NIPA1: variants seen among roughly 807,000 people sequenced by gnomAD.
NIPA1 encodes the protein NIPA magnesium transporter 1.
A neutral mutation model predicts 23.9 loss-of-function variants in NIPA1; 13 were observed. The observed-to-expected ratio is 0.54, with a 90% CI of 0.35 to 0.87. The LOEUF is 0.87. Ranked by LOEUF, NIPA1 falls within the 40% of genes least tolerant of loss-of-function variation. The pLI is 0.01. For missense variants in NIPA1, 362 were observed against 429.7 expected (o/e 0.84, Z 1.39); for synonymous variants, 234 against 202.9 (o/e 1.15, Z -1.30).
At chr15:22,800,717 A>G (rs1895057695) in intron 1 of NIPA1, among the ~76,000 whole-genome samples, 1 of 152,090 alleles carries the variant, frequency 6.6e-6, no homozygotes, top group South Asian at 2.1e-4. Context: ...TCACAAGGTC[A>G]GGAGATTGAG....
rs1211698127 is a variant in NIPA1 at position 22,829,486 on chromosome 15, C to T, written c.*5247C>T. 1.3e-5 allele frequency: 2 copies of T among 152,296 alleles called. No individual in the cohort carries two copies. The highest frequency in any genetic ancestry group is 4.8e-5 in the African/African-American group (2 of 41,390). The allele number at this position is 152,296 out of a possible 1,614,324, so 9.4% of individuals were successfully genotyped here. On this transcript the variant is annotated 3_prime_UTR_variant, in exon 5 of 5. Transcript: ENST00000337435. The stretch of plus-strand genomic sequence containing the variant: ...GTTTTTCAGTGGCTTGAGCGTTTTG[C>T]CTTTTCAAAGGATAACTATTATTTT...
Position 22,824,966 on chromosome 15 carries a change from T to C in NIPA1, c.*727T>C, listed in dbSNP as rs1895619756. The C allele has an allele frequency of 6.6e-6, 1 of 152,652 alleles. No individual in the cohort carries two copies. Among genetic ancestry groups the C allele is most frequent in the African/African-American group, 2.4e-5 (1 of 41,440 alleles). The allele number at this position is 152,652 out of a possible 1,614,324, so 9.5% of individuals were successfully genotyped here. ...TGTATATGTTCTTAGATTAGAATAA[T>C]GCAACTTCGAGTATGCTTTAATATT... is the stretch of plus-strand genomic sequence containing the variant. On this transcript the variant is annotated 3_prime_UTR_variant, in exon 5 of 5. Coordinates refer to ENST00000337435, the MANE Select transcript of NIPA1 (RefSeq NM_144599.5). The surrounding 1 kb of genome is among the most constrained non-coding windows in gnomAD (Gnocchi z 4.1).
chr15:22,799,971 A>AG (rs142105771), intron 1 of NIPA1, among the ~76,000 whole-genome samples: 2 of 113,278 alleles, frequency 1.8e-5, no homozygotes, highest in African/African-American at 6.3e-5. Flanking sequence ...AAAAAAAAAA[A>AG]GGGAAAGAAA....
rs1334044263 is a variant in NIPA1 at position 22,828,686 on chromosome 15, G to A, written c.*4447G>A. 4 of 152,582 alleles carry A rather than the reference G, an allele frequency of 2.6e-5. No individual in the cohort carries two copies. The highest frequency in any genetic ancestry group is 6.5e-5 in the Admixed American group (1 of 15,280). 9.5% of individuals were successfully genotyped at this position (152,582 alleles called of 1,614,324 possible). A position where few individuals can be genotyped will look rare whatever the true frequency, so the allele number is the denominator to read the frequency against. Reference sequence around the variant, plus strand: ...ATGTAAATAAACATCTATTTCACATGTACCCAAAAGCATTTAAAAAGCAGA... The same window carrying A: ...ATGTAAATAAACATCTATTTCACATATACCCAAAAGCATTTAAAAAGCAGA... On this transcript the variant is annotated 3_prime_UTR_variant, in exon 5 of 5. Transcript: ENST00000337435.
upstream of NIPA1, chr15:22,786,634 C>A: frequency 1.0e-6 from 1 of 967,922 alleles, no homozygotes; most frequent in Non-Finnish European, 1.2e-6. Flanking sequence ...CAGGCGCAGG[C>A]TCGGAGGGCG....
At chr15:22,802,391 C>CA (rs10689474) in intron 1 of NIPA1, among the ~76,000 whole-genome samples, 22,528 of 114,542 alleles carry the variant, frequency 0.2, 2,852 homozygotes, top group East Asian at 0.43. Flanking sequence ...GACTCTGTCT[C>CA]AAAAAAAAAA....
chr15:22,804,830 G>A, intron 1 of NIPA1, among the ~76,000 whole-genome samples: 1 of 152,010 alleles, frequency 6.6e-6, no homozygotes, highest in East Asian at 1.9e-4. Flanking sequence ...TGATTATATA[G>A]TTTTATAGTA....
rs1285562776 is a variant in NIPA1 at position 22,786,647 on chromosome 15, C to A, written c.-10C>A. 2 of 1,007,478 alleles carry A rather than the reference C, an allele frequency of 2.0e-6. No homozygotes were observed. Among genetic ancestry groups the A allele is most frequent in the Non-Finnish European group, 2.4e-6 (2 of 837,422 alleles). The allele number at this position is 1,007,478 out of a possible 1,614,324, so 62.4% of individuals were successfully genotyped here. A position where few individuals can be genotyped will look rare whatever the true frequency, so the allele number is the denominator to read the frequency against. On this transcript the variant is annotated 5_prime_UTR_variant, in exon 1 of 5. Transcript: ENST00000337435. ...CGCAGGCGCAGGCTCGGAGGGCGGGCGCGGGCGGAATGGGGACTGCAGCTG... is the reference window on the plus strand; with the variant it reads ...CGCAGGCGCAGGCTCGGAGGGCGGGAGCGGGCGGAATGGGGACTGCAGCTG...
At chr15:22,820,595 G>A (rs1395920505) in intron 4 of NIPA1, 122 bp downstream of exon 4, 1 of 803,652 alleles carries the variant, frequency 1.2e-6, no homozygotes, top group Non-Finnish European at 2.2e-6. Context: ...ACCCTGATCT[G>A]TTACTGTAGA....
rs1343683517 is a variant in NIPA1 at position 22,827,301 on chromosome 15, G to C, written c.*3062G>C. The C allele has an allele frequency of 6.6e-6, 1 of 152,138 alleles. No individual in the cohort carries two copies. Among genetic ancestry groups the C allele is most frequent in the Admixed American group, 6.5e-5 (1 of 15,272 alleles). The allele number at this position is 152,138 out of a possible 1,614,324, so 9.4% of individuals were successfully genotyped here. A position where few individuals can be genotyped will look rare whatever the true frequency, so the allele number is the denominator to read the frequency against. On this transcript the variant is annotated 3_prime_UTR_variant, in exon 5 of 5. Transcript: ENST00000337435. ...CTTCCTGTTCTGCTCATTGATCAAA[G>C]GTAGGGCCAATTAAGGATTCTAACC... is the stretch of plus-strand genomic sequence containing the variant.
intron 1 of NIPA1, among the ~76,000 whole-genome samples, chr15:22,798,006 G>A (rs573691323): frequency 1.2e-4 from 18 of 151,116 alleles, no homozygotes; most frequent in Admixed American, 1.3e-4. Context: ...CACTACGCCC[G>A]GCTAATTTCT....
At position 22,802,348 on chromosome 15, in the gene NIPA1, C is replaced by T. The variant is rs568445450; in HGVS notation, c.179-8401C>T. ...TGGAGGTTGTGGTGAGCCGAGATCA[C>T]GCCACTGCCCTTCAACCTGGGCGAC... On this transcript the variant is annotated intron_variant, in intron 1 of 4. Coordinates refer to ENST00000337435, the MANE Select transcript of NIPA1 (RefSeq NM_144599.5). Among the ~76,000 whole-genome samples the T allele has an allele frequency of 1.6e-4, 24 of 149,912 alleles. No individual in the cohort carries two copies. The East Asian group carries it at 4.0e-3, about 25-fold the overall frequency.
At chr15:22,823,468 G>A (rs543203412) in intron 4 of NIPA1, among the ~76,000 whole-genome samples, 5 of 152,182 alleles carry the variant, frequency 3.3e-5, no homozygotes, top group Admixed American at 3.3e-4. Context: ...CCAAAGTGCT[G>A]GGATTACAGG....
At chr15:22,811,428 C>A (rs1299154022) in intron 2 of NIPA1, among the ~76,000 whole-genome samples, 5 of 151,914 alleles carry the variant, frequency 3.3e-5, no homozygotes, top group Non-Finnish European at 7.4e-5. Context: ...GGAAACATGG[C>A]AAAACCCTGT....
rs35158063 is a variant in NIPA1, at chr15:22,797,510, C to CTTTT, written c.178+10687_178+10690dup. 1.4e-3 allele frequency among the ~76,000 whole-genome samples: 176 copies of CTTTT among 124,574 alleles called. 4 individuals carry two copies. Among genetic ancestry groups the CTTTT allele is most frequent in the African/African-American group, 5.2e-3 (159 of 30,820 alleles). The allele number at this position is 124,574 out of a possible 152,430, so 81.7% of individuals were successfully genotyped here. On this transcript the variant is annotated intron_variant, in intron 1 of 4. Transcript: ENST00000337435. ...TACAGGCGTGAGTCACCGCGCCTGG[C>CTTTT]TTTTTTTTTTTTTTGAGATGGAGTT... is the stretch of plus-strand genomic sequence containing the variant.
At chr15:22,814,633 G>T (rs1895380775) in intron 3 of NIPA1, among the ~76,000 whole-genome samples, 1 of 152,192 alleles carries the variant, frequency 6.6e-6, no homozygotes, top group South Asian at 2.1e-4. Context: ...GCAGTGAATA[G>T]AATAGAGAGC....
chr15:22,816,485 C>CTTTTTTTTTTT, intron 3 of NIPA1, among the ~76,000 whole-genome samples: 1 of 52,678 alleles, frequency 1.9e-5, no homozygotes, highest in Non-Finnish European at 4.1e-5. Flanking sequence ...CCGCACCCAG[C>CTTTTTTTTTTT]CTTTTTTTTT....
intron 2 of NIPA1, 52 bp from the exon 3 acceptor site, chr15:22,812,111 C>A: frequency 7.6e-7 from 1 of 1,319,558 alleles, no homozygotes; most frequent in Admixed American, 1.8e-5. Context: ...GTGATCAGTG[C>A]TGGAAGAGAG....
intron 4 of NIPA1, among the ~76,000 whole-genome samples, chr15:22,823,361 C>T (rs543065927): frequency 3.3e-5 from 5 of 151,908 alleles, no homozygotes; most frequent in South Asian, 4.2e-4. Context: ...ATTACAGGCG[C>T]GCTGTAATTT....
Sources: allele counts gnomAD v4.1 joint callset (sites outside exome capture counted in the v4.1 genomes callset), GRCh38; gene constraint gnomAD v4.1.1; non-coding constraint Gnocchi (gnomAD v3.1); transcripts MANE v1.5; gene names NCBI Gene and HGNC (gene_info 2026-07-23, HGNC 2026-07-21).